Variants in CFH observed in about 807,000 individuals in gnomAD.
CFH encodes the protein H factor 1 (complement).
CFH carries 53 observed loss-of-function variants against 147.3 expected under a neutral mutation model. The ratio of observed to expected loss-of-function variants is 0.36; its 90% CI spans 0.29 to 0.45. The LOEUF is 0.45. Among genes scored for constraint, CFH ranks in the 20% least tolerant of loss-of-function variants. The pLI, the probability that CFH is intolerant of heterozygous loss-of-function variation, is 1.00. For missense variants in CFH, 1,380 were observed against 1,498.0 expected (o/e 0.92, Z 1.30); for synonymous variants, 536 against 489.4 (o/e 1.10, Z -1.26).
rs184482827 is a variant in CFH, at chr1:196,699,567, C to T, written c.1336+9328C>T. ...TATCACATTTTTCATTTATAGATTA[C>T]GCTCTTTGTGTCATCTAAAATTTCC... On this transcript the variant is annotated intron_variant, in intron 9 of 21. Transcript: ENST00000367429. 2.4e-3 allele frequency among the ~76,000 whole-genome samples: 367 copies of T among 152,188 alleles called. 1 individual carries two copies. The highest frequency in any genetic ancestry group is 4.0e-3 in the Non-Finnish European group (271 of 68,014).
chr1:196,739,681 C>A (rs1461432676), intron 17 of CFH, among the ~76,000 whole-genome samples: 3 of 152,106 alleles, frequency 2.0e-5, no homozygotes, highest in Non-Finnish European at 4.4e-5. Context: ...GTCCAACTCC[C>A]TAGGAAGTTC....
chr1:196,678,487 G>C (rs888435117), intron 5 of CFH: 2 of 151,800 alleles, frequency 1.3e-5, no homozygotes, highest in Non-Finnish European at 1.5e-5. Flanking sequence ...TACTATTAAA[G>C]TCTGTTATAT....
At chr1:196,672,200 A>G (rs1192789434) in intron 1 of CFH, among the ~76,000 whole-genome samples, 1 of 152,160 alleles carries the variant, frequency 6.6e-6, no homozygotes, top group African/African-American at 2.4e-5. Context: ...CCATTCTTCC[A>G]TTCAGACTAA....
In CFH at chr1:196,701,288, G is replaced by A. The variant is rs1328119059; in HGVS notation, c.1336+11049G>A. 9 of 1,613,684 alleles carry A rather than the reference G, an allele frequency of 5.6e-6. No individual in the cohort carries two copies. The East Asian group carries it at 8.9e-5, about 16-fold the overall frequency. ...TGGAATCTCAGCAAGCCTAACTCAGGGTAATCATCTGCTCTTCAATCTTTC... is the reference window on the plus strand; with the variant it reads ...TGGAATCTCAGCAAGCCTAACTCAGAGTAATCATCTGCTCTTCAATCTTTC... On this transcript the variant is annotated intron_variant, in intron 9 of 21. Coordinates refer to ENST00000367429, the MANE Select transcript of CFH (RefSeq NM_000186.4).
chr1:196,730,420 A>G (rs1669255612), intron 15 of CFH, among the ~76,000 whole-genome samples: 1 of 151,766 alleles, frequency 6.6e-6, no homozygotes, highest in African/African-American at 2.4e-5. Context: ...TTCTCATTTC[A>G]TACCTTTGTT....
At chr1:196,694,952 A>C (rs7546015) in intron 9 of CFH, among the ~76,000 whole-genome samples, 1 of 151,956 alleles carries the variant, frequency 6.6e-6, no homozygotes, top group South Asian at 2.1e-4. Flanking sequence ...CATTCTGTAG[A>C]TTGCCTATTC....
At chr1:196,680,276 A>G (rs1440408529) in intron 6 of CFH, among the ~76,000 whole-genome samples, 2 of 150,248 alleles carry the variant, frequency 1.3e-5, no homozygotes, top group Non-Finnish European at 3.0e-5. Context: ...CAGGCCCAGT[A>G]TGACTCAACG....
Position 196,717,774 on chromosome 1 carries a change from T to C in CFH, c.1696+2005T>C, listed in dbSNP as rs139774602. Among the ~76,000 whole-genome samples, 771 of 152,170 alleles carry C rather than the reference T, an allele frequency of 5.1e-3. 7 individuals carry two copies. Among genetic ancestry groups the C allele is most frequent in the African/African-American group, 0.018 (741 of 41,530 alleles). The stretch of plus-strand genomic sequence containing the variant: ...GAACACATGACTTACATAGTTGCCC[T>C]GAGAAAATGCGAGGGGAAAGGACTC... On this transcript the variant is annotated intron_variant, in intron 11 of 21. Coordinates refer to ENST00000367429, the MANE Select transcript of CFH (RefSeq NM_000186.4).
intron 7 of CFH, 54 bp from the exon 8 acceptor site, chr1:196,689,364 TGA>T: frequency 1.4e-5 from 21 of 1,448,314 alleles, no homozygotes; most frequent in Non-Finnish European, 2.0e-5. Flanking sequence ...ATCTCTAATA[TGA>T]GTGTTTATTA....
At chr1:196,683,587 C>T (rs1402706360) in intron 6 of CFH, among the ~76,000 whole-genome samples, 1 of 151,516 alleles carries the variant, frequency 6.6e-6, no homozygotes, top group East Asian at 1.9e-4. Flanking sequence ...GCTTCCATAT[C>T]AATTTAAGAG....
chr1:196,712,762 C>A (rs1441235232), intron 9 of CFH, among the ~76,000 whole-genome samples: 1 of 115,292 alleles, frequency 8.7e-6, no homozygotes, highest in Non-Finnish European at 1.7e-5. Context: ...GCTATCCCTC[C>A]CCCCTCCCCC....
chr1:196,708,075 C>T (rs986202686), intron 9 of CFH, among the ~76,000 whole-genome samples: 1 of 152,130 alleles, frequency 6.6e-6, no homozygotes, highest in Non-Finnish European at 1.5e-5. Context: ...ATTATGTGGA[C>T]ATTCTAAAAT....
chr1:196,724,112 T>G lies in CFH; in HGVS notation c.1697-1009T>G, dbSNP rs185273447. 2.6e-5 allele frequency among the ~76,000 whole-genome samples: 4 copies of G among 152,070 alleles called. No homozygotes were observed. The East Asian group carries it at 7.8e-4, about 30-fold the overall frequency. ...GCACACAGGAAAGTGAATGCTACAGTCTTCTTTGCCACAAGGGGTGTTCCT... is the reference window on the plus strand; with the variant it reads ...GCACACAGGAAAGTGAATGCTACAGGCTTCTTTGCCACAAGGGGTGTTCCT... On this transcript the variant is annotated intron_variant, in intron 11 of 21. Coordinates refer to ENST00000367429, the MANE Select transcript of CFH (RefSeq NM_000186.4).
chr1:196,682,389 AT>A (rs1214472544), intron 6 of CFH, among the ~76,000 whole-genome samples: 7 of 151,736 alleles, frequency 4.6e-5, no homozygotes, highest in Admixed American at 1.3e-4. Flanking sequence ...AACATGATGT[AT>A]TTTTAAAAAG....
At chr1:196,685,749 A>G (rs1016300713) in intron 7 of CFH, among the ~76,000 whole-genome samples, 3 of 151,994 alleles carry the variant, frequency 2.0e-5, no homozygotes, top group African/African-American at 7.2e-5. Context: ...ACTGACACAC[A>G]TGGCTGTTGT....
intron 1 of CFH, among the ~76,000 whole-genome samples, chr1:196,663,816 C>G (rs2149071512): frequency 6.6e-6 from 1 of 152,226 alleles, no homozygotes; most frequent in Admixed American, 6.5e-5. Context: ...CTCCCTTATC[C>G]TGTGGGTGAA....
rs56215062 is a variant in CFH at position 196,685,262 on chromosome 1, C to T, written c.964+25C>T. 298 of 1,610,380 alleles carry T rather than the reference C, an allele frequency of 1.9e-4. No individual in the cohort carries two copies. In the East Asian group the frequency reaches 5.8e-3, roughly 31 times the overall value. On this transcript the variant is annotated intron_variant, in intron 7 of 21. Transcript: ENST00000367429. ...TGTAAGTTCCATTCATATCTTGACC[C>T]ATTTCTTAATTCTGAAATTTCTTTT... is the stretch of plus-strand genomic sequence containing the variant.
intron 11 of CFH, among the ~76,000 whole-genome samples, chr1:196,720,981 A>T (rs1668984129): frequency 6.6e-6 from 1 of 151,832 alleles, no homozygotes; most frequent in African/African-American, 2.4e-5. Flanking sequence ...TTTTTTGACT[A>T]TTTGACAGTG....
chr1:196,728,509 A>C lies in CFH; in HGVS notation c.2400A>C (p.Glu800Asp), dbSNP rs1669203143. 6.2e-7 allele frequency: 1 copy of C among 1,612,632 alleles called. No individual in the cohort carries two copies. The highest frequency in any genetic ancestry group is 8.5e-7 in the Non-Finnish European group (1 of 1,179,042). Residue 800 changes from glutamate (E) to aspartate (D), a missense_variant, in exon 15 of 22, where the codon GAA becomes GAC. Coordinates refer to ENST00000367429, the MANE Select transcript of CFH (RefSeq NM_000186.4). ...GCATAAATGGAAGATGGGATCCAGA[A>C]GTGAACTGCTCAAGTAAGCTCTTAT... ...TVCINGRWDP[E>D]VNCSMAQIQL...
Sources: gnomAD v4.1 joint callset for allele counts (sites outside exome capture counted in the v4.1 genomes callset) on GRCh38, gnomAD v4.1.1 for gene constraint, MANE v1.5 for transcripts, NCBI Gene and HGNC (gene_info 2026-07-23, HGNC 2026-07-21) for gene names.